PTPRG: variants seen among roughly 807,000 people sequenced by gnomAD.
The protein encoded by PTPRG is protein tyrosine phosphatase receptor type G.
PTPRG carries 102 observed loss-of-function variants against 165.3 expected under a neutral mutation model. The ratio of observed to expected loss-of-function variants is 0.62; its 90% CI spans 0.53 to 0.73. PTPRG has a LOEUF of 0.73. Among genes scored for constraint, PTPRG ranks in the 30% least tolerant of loss-of-function variants. The pLI is 0.00. For synonymous variants in PTPRG, 675 were observed against 669.5 expected (o/e 1.01, Z -0.13); for missense variants, 1,866 against 1,861.4 (o/e 1.00, Z -0.05).
At chr3:62,063,182 AATT>A (rs1465865599) in intron 4 of PTPRG, among the ~76,000 whole-genome samples, 12 of 152,164 alleles carry the variant, frequency 7.9e-5, no homozygotes, top group African/African-American at 2.9e-4. Flanking sequence ...TTCATTTTCT[AATT>A]ATTATCTTTT....
intron 2 of PTPRG, among the ~76,000 whole-genome samples, chr3:61,823,996 C>T (rs557924344): frequency 7.2e-5 from 11 of 152,170 alleles, no homozygotes; most frequent in East Asian, 1.9e-4. Flanking sequence ...TGGTGGCGGG[C>T]GCCTGTAGTC....
intron 1 of PTPRG, among the ~76,000 whole-genome samples, chr3:61,595,227 TTGTC>T (rs1700673437): frequency 6.6e-6 from 1 of 152,070 alleles, no homozygotes; most frequent in Admixed American, 6.5e-5. Flanking sequence ...GGGAACTTAA[TTGTC>T]TGTGTTCGCT....
intron 2 of PTPRG, among the ~76,000 whole-genome samples, chr3:61,828,633 C>T (rs1005085495): frequency 6.6e-6 from 1 of 152,140 alleles, no homozygotes; most frequent in African/African-American, 2.4e-5. Context: ...TGTGTGAACC[C>T]AGGGGAGGAG....
chr3:62,142,206 A>G (rs1191661928), intron 6 of PTPRG, among the ~76,000 whole-genome samples: 2 of 152,060 alleles, frequency 1.3e-5, no homozygotes, highest in Non-Finnish European at 2.9e-5. Context: ...AACATTGTGC[A>G]TTCCCAAAGA....
intron 5 of PTPRG, among the ~76,000 whole-genome samples, chr3:62,090,882 C>T (rs925364589): frequency 4.6e-5 from 7 of 152,110 alleles, no homozygotes; most frequent in African/African-American, 1.2e-4. Flanking sequence ...TCCAACTTGC[C>T]ACTTACTGGC....
chr3:61,570,289 A>G (rs1700026691), intron 1 of PTPRG, among the ~76,000 whole-genome samples: 1 of 151,798 alleles, frequency 6.6e-6, no homozygotes. Context: ...TGAAATCAGC[A>G]TGATATTTTT....
chr3:61,809,160 C>G (rs2035500739), intron 2 of PTPRG, among the ~76,000 whole-genome samples: 1 of 150,424 alleles, frequency 6.6e-6, no homozygotes. Flanking sequence ...TTATTATTAT[C>G]ACGGTGGGGG....
At chr3:62,177,947 G>T (rs539735146) in intron 8 of PTPRG, among the ~76,000 whole-genome samples, 3 of 151,616 alleles carry the variant, frequency 2.0e-5, no homozygotes, top group Non-Finnish European at 4.4e-5. Flanking sequence ...AGTTCTGTGA[G>T]GGGTGAGACT....
chr3:61,620,025 G>A (rs1028856548), intron 1 of PTPRG, among the ~76,000 whole-genome samples: 20 of 152,238 alleles, frequency 1.3e-4, no homozygotes, highest in African/African-American at 4.1e-4. Context: ...AGCCACTACT[G>A]CTTCATTTTG....
At chr3:62,065,471 C>G (rs1456751441) in intron 4 of PTPRG, among the ~76,000 whole-genome samples, 1 of 152,200 alleles carries the variant, frequency 6.6e-6, no homozygotes, top group Non-Finnish European at 1.5e-5. Context: ...CTTTGGCAGT[C>G]TTTCAGGGGG....
chr3:62,277,151 A>T, intron 25 of PTPRG, 103 bp downstream of exon 25: 3 of 871,070 alleles, frequency 3.4e-6, no homozygotes, highest in Non-Finnish European at 3.6e-6. Context: ...ATAATTTCTC[A>T]ATGTGTAATA....
chr3:62,126,735 G>C (rs1467853761), intron 5 of PTPRG, among the ~76,000 whole-genome samples: 2 of 152,190 alleles, frequency 1.3e-5, no homozygotes, highest in Non-Finnish European at 2.9e-5. Flanking sequence ...TCCACACTTG[G>C]TTACTCATCT....
intron 1 of PTPRG, among the ~76,000 whole-genome samples, chr3:61,664,118 T>C (rs1201061934): frequency 6.6e-6 from 1 of 152,240 alleles, no homozygotes; most frequent in Non-Finnish European, 1.5e-5. Context: ...GTAATTCAGT[T>C]CCTTAAGTTG....
chr3:62,015,075 A>G (rs1400583835), intron 4 of PTPRG, among the ~76,000 whole-genome samples: 1 of 152,262 alleles, frequency 6.6e-6, no homozygotes, highest in Non-Finnish European at 1.5e-5. Flanking sequence ...TCTTTCAGCC[A>G]TGATGCCATG....
At position 61,638,319 on chromosome 3, in the gene PTPRG, GT is replaced by G. The variant is rs1350403185; in HGVS notation, c.85+75948del. ...TTAAGCAGAATTTCAGGACCTTGCT[GT>G]AGAGCAGCATCTCTCCATTTAAGTA... On this transcript the variant is annotated intron_variant, in intron 1 of 29. Transcript: ENST00000474889. 2.0e-5 allele frequency among the ~76,000 whole-genome samples: 3 copies of G among 151,498 alleles called. No homozygotes were observed. The East Asian group carries it at 5.8e-4, about 29-fold the overall frequency.
chr3:61,815,797 CTG>C (rs2035745113), intron 2 of PTPRG, among the ~76,000 whole-genome samples: 1 of 152,232 alleles, frequency 6.6e-6, no homozygotes, highest in South Asian at 2.1e-4. Flanking sequence ...ATGCTGTGCA[CTG>C]TTACAGGCAC....
intron 4 of PTPRG, among the ~76,000 whole-genome samples, chr3:62,072,288 A>G (rs1330119775): frequency 6.6e-6 from 1 of 152,142 alleles, no homozygotes; most frequent in Non-Finnish European, 1.5e-5. Context: ...GTATTTTAGG[A>G]CATGTTTCCT....
chr3:61,602,981 G>A (rs1464249824), intron 1 of PTPRG, among the ~76,000 whole-genome samples: 2 of 152,212 alleles, frequency 1.3e-5, no homozygotes, highest in Non-Finnish European at 2.9e-5. Flanking sequence ...TCTGTGGTGT[G>A]TGTGGTAGTA....
chr3:61,689,748 T>C (rs529911997), intron 1 of PTPRG, among the ~76,000 whole-genome samples: 1 of 152,320 alleles, frequency 6.6e-6, no homozygotes, highest in African/African-American at 2.4e-5. Context: ...TCCCCAAAAA[T>C]GGAGGGGGAG....
Sources: gnomAD v4.1 joint callset for allele counts (sites outside exome capture counted in the v4.1 genomes callset) on GRCh38, gnomAD v4.1.1 for gene constraint, MANE v1.5 for transcripts, NCBI Gene and HGNC (gene_info 2026-07-23, HGNC 2026-07-21) for gene names.